The following CEP63 variants were observed in gnomAD, a reference collection of about 807,000 sequenced individuals.
CEP63 encodes centrosomal protein of 63 kDa.
A neutral mutation model predicts 89.1 loss-of-function variants in CEP63; 84 were observed. The observed-to-expected ratio is 0.94, with a 90% CI of 0.79 to 1.13. The LOEUF is 1.13. Ranked by LOEUF, CEP63 falls within the 50% of genes most tolerant of loss-of-function variation. The probability of loss-of-function intolerance (pLI) is 0.00; values close to 1 mark genes in which losing one functional copy is unlikely to be tolerated. For missense variants in CEP63, 838 were observed against 813.3 expected (o/e 1.03, Z -0.37); for synonymous variants, 267 against 272.5 (o/e 0.98, Z 0.20).
At chr3:134,620,774 G>C in the CEP63 span, 2 of 1,613,734 alleles carry the variant, frequency 1.2e-6, no homozygotes, top group Non-Finnish European at 1.7e-6. Context: ...TCCAGATCCA[G>C]ATGGCGCGGA....
chr3:134,534,651 C>T (rs1005088039), intron 5 of CEP63, among the ~76,000 whole-genome samples: 1 of 152,180 alleles, frequency 6.6e-6, no homozygotes. Context: ...TTAAGTCCAC[C>T]TTTCTGCCCA....
rs1181980507 is a variant in CEP63 at position 134,554,653 on chromosome 3, C to T, written c.1467+2641C>T. On this transcript the variant is annotated intron_variant, in intron 12 of 14. Coordinates refer to ENST00000675561, the MANE Select transcript of CEP63 (RefSeq NM_001353108.3). Reference sequence around the variant, plus strand: ...TTCTAGTTCTAGATCCCTGAGGAATCGCCACACTGACTTCCACAATGGTTG... The same window carrying T: ...TTCTAGTTCTAGATCCCTGAGGAATTGCCACACTGACTTCCACAATGGTTG... Among the ~76,000 whole-genome samples the T allele has an allele frequency of 3.9e-5, 6 of 152,002 alleles. No homozygotes were observed. The East Asian group carries it at 5.8e-4, about 15-fold the overall frequency.
chr3:134,721,468 T>C, the CEP63 span, among the ~76,000 whole-genome samples: 1 of 152,098 alleles, frequency 6.6e-6, no homozygotes, highest in East Asian at 1.9e-4. Flanking sequence ...TTCTTTCTCT[T>C]ACCTAGTGGC....
chr3:134,517,711 T>G (rs964996843), intron 3 of CEP63, among the ~76,000 whole-genome samples: 4 of 152,170 alleles, frequency 2.6e-5, no homozygotes, highest in Admixed American at 1.3e-4. Context: ...GAATAATTCA[T>G]GGATCAGTGA....
At chr3:134,742,949 A>T in the CEP63 span, among the ~76,000 whole-genome samples, 3 of 152,238 alleles carry the variant, frequency 2.0e-5, no homozygotes, top group Non-Finnish European at 4.4e-5. Context: ...GTGGACTAAG[A>T]CACTGAGCTA....
the CEP63 span, among the ~76,000 whole-genome samples, chr3:134,709,780 A>G: frequency 6.6e-6 from 1 of 152,172 alleles, no homozygotes; most frequent in African/African-American, 2.4e-5. Context: ...GGGCCAACAG[A>G]GCTGAGTTAG....
intron 2 of CEP63, 146 bp downstream of exon 2, chr3:134,495,510 A>AT (rs1404822433): frequency 1.9e-5 from 12 of 621,724 alleles, no homozygotes; most frequent in Admixed American, 5.7e-5. Flanking sequence ...AGCATTTATC[A>AT]TTTTTTGTGT....
the CEP63 span, among the ~76,000 whole-genome samples, chr3:134,637,661 G>A: frequency 2.0e-5 from 3 of 152,276 alleles, no homozygotes; most frequent in East Asian, 3.9e-4. Context: ...ACTTTCACAC[G>A]CACATCTGAC....
the CEP63 span, among the ~76,000 whole-genome samples, chr3:134,769,127 C>G: frequency 6.6e-6 from 1 of 152,098 alleles, no homozygotes; most frequent in Admixed American, 6.6e-5. Context: ...TTTTTGTGAG[C>G]TCCAAATAGG....
At chr3:134,625,062 G>A in the CEP63 span, 56 of 1,597,526 alleles carry the variant, frequency 3.5e-5, no homozygotes, top group Middle Eastern at 3.3e-4. Flanking sequence ...CCTGTGAGGC[G>A]TAGATATCCA....
chr3:134,771,434 C>A, the CEP63 span, among the ~76,000 whole-genome samples: 3 of 152,206 alleles, frequency 2.0e-5, no homozygotes, highest in Non-Finnish European at 4.4e-5. Flanking sequence ...CTTGGAGGAG[C>A]ATCAGAACCA....
At chr3:134,710,979 C>G in the CEP63 span, among the ~76,000 whole-genome samples, 1 of 152,126 alleles carries the variant, frequency 6.6e-6, no homozygotes, top group African/African-American at 2.4e-5. Flanking sequence ...CTCAGCCTCT[C>G]AAAGTGCTGG....
chr3:134,486,277 G>A (rs1935299101), intron 1 of CEP63, 75 bp downstream of exon 1: 1 of 985,504 alleles, frequency 1.0e-6, no homozygotes, highest in Non-Finnish European at 1.2e-6. Context: ...AGGGGCAAGG[G>A]GCTGCCGTGT....
chr3:134,558,345 C>T lies in CEP63; in HGVS notation c.1671C>T (p.Phe557=), dbSNP rs755257558. Residue 557 remains phenylalanine, a splice_region_variant and synonymous_variant, in exon 13 of 15, where the codon TTC becomes TTT. Transcript: ENST00000675561. ...SRTTEFKNTE[F]KPTHGQHRHD... ...CAACTGAGTTCAAGAATACAGAGTT[C>T]AAGTAAAATTTTTTAAAAGTTTATT... The T allele has an allele frequency of 1.3e-6, 2 of 1,590,214 alleles. No individual in the cohort carries two copies. Among genetic ancestry groups the T allele is most frequent in the Non-Finnish European group, 8.6e-7 (1 of 1,165,932 alleles).
chr3:134,725,347 C>T, the CEP63 span, among the ~76,000 whole-genome samples: 1 of 151,778 alleles, frequency 6.6e-6, no homozygotes, highest in Non-Finnish European at 1.5e-5. Context: ...TTTCAGAGCC[C>T]AGGAAATTTT....
chr3:134,620,868 G>A, the CEP63 span: 1 of 1,577,636 alleles, frequency 6.3e-7, no homozygotes. Context: ...CTGGGGAGCA[G>A]GAAGGGTGTG....
At chr3:134,641,517 A>C in the CEP63 span, among the ~76,000 whole-genome samples, 1 of 152,186 alleles carries the variant, frequency 6.6e-6, no homozygotes, top group Non-Finnish European at 1.5e-5. Flanking sequence ...CTCTAGCAGC[A>C]GGAAGAGGCA....
chr3:134,616,693 T>C, the CEP63 span, among the ~76,000 whole-genome samples: 2 of 152,178 alleles, frequency 1.3e-5, no homozygotes, highest in Non-Finnish European at 2.9e-5. Flanking sequence ...ATAGGGCCAT[T>C]GTTAAGTATC....
chr3:134,645,537 C>T, the CEP63 span, among the ~76,000 whole-genome samples: 1 of 152,246 alleles, frequency 6.6e-6, no homozygotes, highest in African/African-American at 2.4e-5. Flanking sequence ...TCAATACCTG[C>T]ACTCAGAATC....
Sources: allele counts gnomAD v4.1 joint callset (sites outside exome capture counted in the v4.1 genomes callset), GRCh38; gene constraint gnomAD v4.1.1; transcripts MANE v1.5; gene names NCBI Gene and HGNC (gene_info 2026-07-23, HGNC 2026-07-21).